LGR6: variants seen among roughly 807,000 people sequenced by gnomAD.
LGR6 encodes leucine-rich repeat-containing G protein-coupled receptor 6.
Under a neutral mutation model 69.4 loss-of-function variants are expected in LGR6, and 45 were observed. That is an observed-to-expected ratio of 0.65 (90% CI 0.51 to 0.83). The LOEUF (loss-of-function observed/expected upper bound fraction) is 0.83, where lower values mean the gene tolerates loss of function less well. LGR6 is among the 40% of genes least tolerant of loss of function. The probability of loss-of-function intolerance (pLI) is 0.00; values close to 1 mark genes in which losing one functional copy is unlikely to be tolerated. For missense variants in LGR6, 1,108 were observed against 1,246.7 expected, an observed-to-expected ratio of 0.89 and a Z score of 1.68; for synonymous variants, 538 against 555.0, an observed-to-expected ratio of 0.97 and a Z score of 0.43.
At chr1:202,313,362 A>G (rs1472328881) in intron 16 of LGR6, among the ~76,000 whole-genome samples, 1 of 152,116 alleles carries the variant, frequency 6.6e-6, no homozygotes, top group African/African-American at 2.4e-5. Context: ...TCAGTGACAA[A>G]TTATGTTCAG....
chr1:202,302,214 C>T (rs1465440500), intron 9 of LGR6, among the ~76,000 whole-genome samples: 1 of 152,126 alleles, frequency 6.6e-6, no homozygotes, highest in African/African-American at 2.4e-5. Context: ...GTAACATAGC[C>T]GACATCTCCA....
intron 1 of LGR6, among the ~76,000 whole-genome samples, chr1:202,210,123 C>G (rs2147912490): frequency 6.6e-6 from 1 of 152,310 alleles, no homozygotes; most frequent in African/African-American, 2.4e-5. Flanking sequence ...ACTGAGATGT[C>G]TCTTCCTCTG....
chr1:202,207,650 A>G (rs1371487300), intron 1 of LGR6, among the ~76,000 whole-genome samples: 1 of 151,948 alleles, frequency 6.6e-6, no homozygotes, highest in Non-Finnish European at 1.5e-5. Flanking sequence ...CCCCAGAGCC[A>G]CTCCACCTAA....
chr1:202,202,425 T>C (rs11578801), intron 1 of LGR6, among the ~76,000 whole-genome samples: 28,819 of 152,096 alleles, frequency 0.19, 3,066 homozygotes, highest in East Asian at 0.32. Context: ...TCCCAAGGGA[T>C]AGGAGACCCC....
At position 202,310,273 on chromosome 1, in the gene LGR6, T is replaced by G. The variant is rs1334757723; in HGVS notation, c.1483T>G (p.Trp495Gly). ...CASFFKASGQ[W>G]EAEDLHLDDE... ...CAGCTTCTTCAAGGCCTCTGGGCAG[T>G]GGGAGGCTGAAGACCTTCACCTTGA... The change falls in exon 16 of 18, where the codon TGG becomes GGG. Residue 495 changes from tryptophan to glycine, a missense_variant. Transcript: ENST00000367278. 6 of 1,613,940 alleles carry G rather than the reference T, an allele frequency of 3.7e-6. No homozygotes were observed. The highest frequency in any genetic ancestry group is 5.1e-6 in the Non-Finnish European group (6 of 1,179,958).
rs369047348 is a variant in LGR6 at position 202,301,254 on chromosome 1, G to C, written c.929+19G>C. 3.7e-6 allele frequency: 6 copies of C among 1,607,102 alleles called. No homozygotes were observed. The highest frequency in any genetic ancestry group is 1.3e-5 in the African/African-American group (1 of 74,766). On this transcript the variant is annotated intron_variant, in intron 9 of 17. Transcript: ENST00000367278. The stretch of plus-strand genomic sequence containing the variant: ...ACACACTGTAAGTTGGCTCCTGAAG[G>C]CTGCTGCAGCCTGAACTTCCCCCTT...
chr1:202,266,108 A>T (rs1165050147), intron 4 of LGR6, among the ~76,000 whole-genome samples: 8 of 35,130 alleles, frequency 2.3e-4, no homozygotes, highest in East Asian at 4.5e-3. Context: ...TTCCAGATTA[A>T]AAAAAAAAAA....
At chr1:202,288,346 A>G (rs1666549483) in intron 6 of LGR6, among the ~76,000 whole-genome samples, 1 of 152,066 alleles carries the variant, frequency 6.6e-6, no homozygotes. Context: ...CTAATAATGT[A>G]TTTACTCACT....
Position 202,314,878 on chromosome 1 carries a change from T to G in LGR6, c.1644T>G (p.Thr548=), listed in dbSNP as rs1018197943. The part of the protein sequence containing the change: ...KPHPSVQCSP[T]PGPFKPCEYL... ...ACCCCAGTGTCCAGTGTAGCCCTAC[T>G]CCAGGTGAGGTGGTGTCTGGGGAAT... Residue 548 remains threonine (T), a synonymous_variant, in exon 17 of 18, where the codon ACT becomes ACG. Coordinates refer to ENST00000367278, the MANE Select transcript of LGR6 (RefSeq NM_001017403.2). The G allele has an allele frequency of 3.1e-6, 5 of 1,612,828 alleles. No individual in the cohort carries two copies. Among genetic ancestry groups the G allele is most frequent in the Non-Finnish European group, 4.2e-6 (5 of 1,178,846 alleles).
At position 202,317,990 on chromosome 1, in the gene LGR6, G is replaced by C; in HGVS notation, c.1687G>C (p.Gly563Arg). Residue 563 changes from glycine (G) to arginine (R), a missense_variant, in exon 18 of 18, where the codon GGC (glycine) becomes CGC (arginine). Transcript: ENST00000367278. Reference protein sequence around the residue: ...KPCEYLFESWGIRLAVWAIVL... With the variant: ...KPCEYLFESWRIRLAVWAIVL... ...CTGTGAGTACCTCTTTGAAAGCTGGGGCATCCGCCTGGCCGTGTGGGCCAT... is the reference window on the plus strand; with the variant it reads ...CTGTGAGTACCTCTTTGAAAGCTGGCGCATCCGCCTGGCCGTGTGGGCCAT... The C allele has an allele frequency of 6.2e-7, 1 of 1,613,684 alleles. No individual in the cohort carries two copies. Among genetic ancestry groups the C allele is most frequent in the Non-Finnish European group, 8.5e-7 (1 of 1,179,766 alleles).
chr1:202,250,544 T>G (rs1663140453), intron 4 of LGR6, among the ~76,000 whole-genome samples: 1 of 151,992 alleles, frequency 6.6e-6, no homozygotes, highest in Non-Finnish European at 1.5e-5. Flanking sequence ...TAGCTAAGAT[T>G]ACAGGGGCCC....
At chr1:202,261,787 G>A (rs1394146507) in intron 4 of LGR6, among the ~76,000 whole-genome samples, 1 of 152,198 alleles carries the variant, frequency 6.6e-6, no homozygotes, top group Non-Finnish European at 1.5e-5. Context: ...TAACTGGTGT[G>A]AGATAGTATC....
intron 1 of LGR6, among the ~76,000 whole-genome samples, chr1:202,204,605 TCCA>T (rs201981069): frequency 2.6e-3 from 14 of 5,400 alleles, no homozygotes; most frequent in East Asian, 0.011. Context: ...CACACACACC[TCCA>T]AACACACACC....
intron 1 of LGR6, chr1:202,194,712 G>GGGGGC: frequency 3.9e-6 from 1 of 255,976 alleles, no homozygotes; most frequent in South Asian, 3.0e-5. Flanking sequence ...GGGCGGGGGG[G>GGGGGC]GCGGGTTTCC....
chr1:202,253,391 C>G (rs879700929), intron 4 of LGR6, among the ~76,000 whole-genome samples: 2 of 151,982 alleles, frequency 1.3e-5, no homozygotes, highest in African/African-American at 4.8e-5. Context: ...CAATCTCCGC[C>G]TCCTGGGTTC....
chr1:202,253,651 C>T (rs538287480), intron 4 of LGR6, among the ~76,000 whole-genome samples: 79 of 70,956 alleles, frequency 1.1e-3, no homozygotes, highest in African/African-American at 3.7e-3. Flanking sequence ...TTTTTTGAGA[C>T]GAAGTCTCAC....
intron 4 of LGR6, among the ~76,000 whole-genome samples, chr1:202,264,791 T>C (rs1237022847): frequency 6.6e-6 from 1 of 152,128 alleles, no homozygotes; most frequent in Non-Finnish European, 1.5e-5. Flanking sequence ...AAGGAATAGC[T>C]TGGAGGAATG....
chr1:202,275,677 G>A lies in LGR6; in HGVS notation c.429-629G>A, dbSNP rs999480099. Among the ~76,000 whole-genome samples the A allele has an allele frequency of 2.0e-5, 3 of 152,196 alleles. No individual in the cohort carries two copies. The East Asian group carries it at 5.8e-4, about 29-fold the overall frequency. On this transcript the variant is annotated intron_variant, in intron 4 of 17. Transcript: ENST00000367278. Reference sequence around the variant, plus strand: ...GGGCCCTTGAAGGGACAAGGAACAGGTGGTGCTAGGGATGGGTGACAGGGA... The same window carrying A: ...GGGCCCTTGAAGGGACAAGGAACAGATGGTGCTAGGGATGGGTGACAGGGA...
intron 12 of LGR6, 22 bp from the exon 13 acceptor site, chr1:202,306,846 C>T: frequency 6.2e-7 from 1 of 1,612,834 alleles, no homozygotes; most frequent in Non-Finnish European, 8.5e-7. Flanking sequence ...GCCGGCTCAT[C>T]CAGCCTCTCT....
Sources: allele counts gnomAD v4.1 joint callset (sites outside exome capture counted in the v4.1 genomes callset), GRCh38; gene constraint gnomAD v4.1.1; transcripts MANE v1.5; gene names NCBI Gene and HGNC (gene_info 2026-07-23, HGNC 2026-07-21).